Variants in SAXO1 observed in about 807,000 individuals in gnomAD.
SAXO1 encodes the protein 4930500O09Rik.
A neutral mutation model predicts 17.5 loss-of-function variants in SAXO1; 21 were observed. That is an observed-to-expected ratio of 1.20 (90% confidence interval 0.85 to 1.72). The LOEUF (loss-of-function observed/expected upper bound fraction) is 1.72, where lower values mean the gene tolerates loss of function less well. SAXO1 is among the 40% of genes most tolerant of loss of function. SAXO1 has a pLI of 0.00. For missense variants in SAXO1, 843 were observed against 596.0 expected (o/e 1.41, Z -4.32); for synonymous variants, 274 against 216.5 (o/e 1.27, Z -2.33).
At chr9:18,985,977 T>A (rs1833577411) in intron 1 of SAXO1, among the ~76,000 whole-genome samples, 1 of 152,186 alleles carries the variant, frequency 6.6e-6, no homozygotes, top group Non-Finnish European at 1.5e-5. Context: ...TAAGAATTAC[T>A]CCCTAGAGAC....
At chr9:19,031,301 C>T (rs1000427353) in intron 1 of SAXO1, among the ~76,000 whole-genome samples, 1 of 152,230 alleles carries the variant, frequency 6.6e-6, no homozygotes, top group Non-Finnish European at 1.5e-5. Flanking sequence ...GTGGCTCATG[C>T]CTGTAATCCC....
intron 1 of SAXO1, chr9:19,027,700 T>C: frequency 7.3e-7 from 1 of 1,364,592 alleles, no homozygotes; most frequent in East Asian, 2.3e-5. Context: ...ATGAGCTGGA[T>C]GCCATAGGCA....
intron 1 of SAXO1, among the ~76,000 whole-genome samples, chr9:19,045,976 G>A (rs1444482674): frequency 6.6e-6 from 1 of 151,460 alleles, no homozygotes; most frequent in Non-Finnish European, 1.5e-5. Flanking sequence ...AATCCCAGCT[G>A]CTGGAGAAGG....
At chr9:18,944,312 G>T (rs1642962596) in intron 2 of SAXO1, among the ~76,000 whole-genome samples, 1 of 152,286 alleles carries the variant, frequency 6.6e-6, no homozygotes, top group African/African-American at 2.4e-5. Flanking sequence ...AATTTAATCA[G>T]AATTTATGTG....
intron 3 of SAXO1, 74 bp downstream of exon 3, chr9:18,941,563 A>G: frequency 6.4e-7 from 1 of 1,567,784 alleles, no homozygotes; most frequent in Middle Eastern, 2.1e-4. Flanking sequence ...GAGTATGCAC[A>G]TAAAACACAT....
chr9:19,041,635 A>C (rs1836082695), intron 1 of SAXO1, among the ~76,000 whole-genome samples: 1 of 152,180 alleles, frequency 6.6e-6, no homozygotes, highest in African/African-American at 2.4e-5. Context: ...AAGCAGAAAC[A>C]AATCTATACA....
At position 18,927,976 on chromosome 9, in the gene SAXO1, T is replaced by G; in HGVS notation, c.*76A>C. Reference sequence around the variant, plus strand: ...GTTTTTTGTCATTTTAGGGAATTCTTTTTTGTCCAACAAATAATTCTCAGT... The same window carrying G: ...GTTTTTTGTCATTTTAGGGAATTCTGTTTTGTCCAACAAATAATTCTCAGT... On this transcript the variant is annotated 3_prime_UTR_variant, in exon 4 of 4. Transcript: ENST00000380534. 1 of 1,444,052 alleles carries G rather than the reference T, an allele frequency of 6.9e-7. No homozygotes were observed. Among genetic ancestry groups the G allele is most frequent in the Non-Finnish European group, 9.2e-7 (1 of 1,086,772 alleles). The allele number at this position is 1,444,052 out of a possible 1,614,324, so 89.5% of individuals were successfully genotyped here.
At chr9:19,000,680 G>T (rs1242681675) in intron 1 of SAXO1, among the ~76,000 whole-genome samples, 1 of 152,014 alleles carries the variant, frequency 6.6e-6, no homozygotes, top group African/African-American at 2.4e-5. Context: ...TTGCATTTTT[G>T]ATATTAAAGT....
chr9:18,989,685 G>A (rs1563964966), intron 1 of SAXO1, among the ~76,000 whole-genome samples: 2 of 152,234 alleles, frequency 1.3e-5, no homozygotes, highest in East Asian at 1.9e-4. Flanking sequence ...CTAAGAAGTG[G>A]AACATCAAAT....
intron 1 of SAXO1, among the ~76,000 whole-genome samples, chr9:18,995,177 A>G (rs1347682410): frequency 6.6e-6 from 1 of 152,192 alleles, no homozygotes; most frequent in African/African-American, 2.4e-5. Flanking sequence ...GGGATTTGTA[A>G]TTATTTCCCT....
intron 1 of SAXO1, among the ~76,000 whole-genome samples, chr9:18,974,844 A>T (rs1833074109): frequency 6.6e-6 from 1 of 152,240 alleles, no homozygotes; most frequent in Non-Finnish European, 1.5e-5. Context: ...AGGTGGATTC[A>T]TTCAACCATG....
chr9:19,048,527 A>G (rs182968110), intron 1 of SAXO1, among the ~76,000 whole-genome samples: 15 of 152,322 alleles, frequency 9.8e-5, no homozygotes, highest in Non-Finnish European at 1.3e-4. Flanking sequence ...TTCATTCTGT[A>G]TGAACGATAC....
intron 1 of SAXO1, among the ~76,000 whole-genome samples, chr9:18,974,366 T>C (rs1284564110): frequency 1.3e-5 from 2 of 152,276 alleles, no homozygotes; most frequent in Non-Finnish European, 2.9e-5. Flanking sequence ...TATGTATATG[T>C]GCACATTGAT....
intron 1 of SAXO1, among the ~76,000 whole-genome samples, chr9:19,014,104 G>A (rs1230311597): frequency 6.6e-6 from 1 of 152,124 alleles, no homozygotes; most frequent in African/African-American, 2.4e-5. Context: ...GAAAGGTAGA[G>A]TAGGGGCTTG....
intron 1 of SAXO1, among the ~76,000 whole-genome samples, chr9:18,996,855 A>G (rs1051437154): frequency 1.1e-4 from 17 of 152,212 alleles, no homozygotes; most frequent in African/African-American, 4.1e-4. Context: ...TGAGGCAAGA[A>G]AAAAAACATA....
At chr9:18,950,021 G>C (rs573842436) in intron 2 of SAXO1, among the ~76,000 whole-genome samples, 4 of 152,220 alleles carry the variant, frequency 2.6e-5, no homozygotes, top group African/African-American at 7.2e-5. Context: ...CACTCTACTA[G>C]ATCACCAGTC....
intron 1 of SAXO1, among the ~76,000 whole-genome samples, chr9:19,029,699 G>A (rs1478989560): frequency 6.6e-6 from 1 of 152,162 alleles, no homozygotes; most frequent in African/African-American, 2.4e-5. Flanking sequence ...GTGCCGGTAT[G>A]GGAGTGACTA....
chr9:18,997,090 G>T (rs1196798273), intron 1 of SAXO1, among the ~76,000 whole-genome samples: 1 of 152,200 alleles, frequency 6.6e-6, no homozygotes, highest in Non-Finnish European at 1.5e-5. Context: ...CATTGGGAAT[G>T]GTTGGACAGT....
intron 1 of SAXO1, among the ~76,000 whole-genome samples, chr9:19,018,621 G>T (rs1835095605): frequency 6.6e-6 from 1 of 152,170 alleles, no homozygotes; most frequent in Non-Finnish European, 1.5e-5. Context: ...AACATGAACT[G>T]CTACATGCAG....
Sources: gnomAD v4.1 joint callset for allele counts (sites outside exome capture counted in the v4.1 genomes callset) on GRCh38, gnomAD v4.1.1 for gene constraint, MANE v1.5 for transcripts, NCBI Gene and HGNC (gene_info 2026-07-23, HGNC 2026-07-21) for gene names.